Variants in LBP observed in about 807,000 individuals in gnomAD.
LBP encodes the protein lipopolysaccharide binding protein.
In LBP, 53 loss-of-function variants were observed where a neutral mutation model predicts 56.6. That is an observed-to-expected ratio of 0.94 (90% CI 0.75 to 1.18). The LOEUF is 1.18. LBP is among the 50% of genes most tolerant of loss of function. The pLI is 0.00. For synonymous variants in LBP, 227 were observed against 247.5 expected, an observed-to-expected ratio of 0.92 and a Z score of 0.78; for missense variants, 601 against 598.3, an observed-to-expected ratio of 1.00 and a Z score of -0.05.
At chr20:38,366,899 C>T in intron 9 of LBP, 71 bp downstream of exon 9, 1 of 1,338,736 alleles carries the variant, frequency 7.5e-7, no homozygotes, top group Non-Finnish European at 1.1e-6. Flanking sequence ...TCTTTAAAAC[C>T]TCTGCATCTC....
chr20:38,364,328 T>C (rs1205658800), intron 7 of LBP, among the ~76,000 whole-genome samples: 1 of 152,182 alleles, frequency 6.6e-6, no homozygotes, highest in Non-Finnish European at 1.5e-5. Context: ...AAAAGGCCAA[T>C]CAGAGCGGGT....
Position 38,370,887 on chromosome 20 carries a change from AG to A in LBP, c.1217+89del, listed in dbSNP as rs113207369. 1.3e-4 allele frequency: 154 copies of A among 1,143,816 alleles called. 5 individuals carry two copies. Among genetic ancestry groups the A allele is most frequent in the African/African-American group, 1.3e-3 (84 of 65,872 alleles). The allele number at this position is 1,143,816 out of a possible 1,614,324, so 70.9% of individuals were successfully genotyped here. On this transcript the variant is annotated intron_variant, in intron 11 of 14. Transcript: ENST00000217407. The stretch of plus-strand genomic sequence containing the variant: ...TAGCTGCTTCTCTGTAGCTGGTGGG[AG>A]GGGGGGCCACCATTTGGAAAGGACA...
chr20:38,359,990 G>A lies in LBP; in HGVS notation c.589-714G>A, dbSNP rs188894462. Among the ~76,000 whole-genome samples, 7 of 152,286 alleles carry A rather than the reference G, an allele frequency of 4.6e-5. No individual in the cohort carries two copies. The East Asian group carries it at 7.7e-4, about 17-fold the overall frequency. ...CTACAGGCCGAATGTGGTGGCTCAC[G>A]TCTGTAATCCCAGCACTTTGGGAGG... is the stretch of plus-strand genomic sequence containing the variant. On this transcript the variant is annotated intron_variant, in intron 5 of 14. Transcript: ENST00000217407.
chr20:38,366,426 C>G (rs1300295352), intron 8 of LBP, among the ~76,000 whole-genome samples: 3 of 152,100 alleles, frequency 2.0e-5, no homozygotes, highest in African/African-American at 7.2e-5. Context: ...TATTGTTATC[C>G]CCATTTTATG....
At chr20:38,364,496 C>G (rs540797583) in intron 7 of LBP, 80 bp from the exon 8 acceptor site, 1 of 1,339,388 alleles carries the variant, frequency 7.5e-7, no homozygotes, top group Admixed American at 1.7e-5. Context: ...GTCCCTTCAT[C>G]GGACTGTGTA....
chr20:38,351,459 C>T (rs930072582), intron 3 of LBP, among the ~76,000 whole-genome samples: 5 of 152,108 alleles, frequency 3.3e-5, no homozygotes, highest in Non-Finnish European at 7.3e-5. Flanking sequence ...CCAAGGGCTG[C>T]TTCCAGGGGC....
chr20:38,374,145 G>A (rs531348599), intron 14 of LBP, 132 bp downstream of exon 14: 14 of 824,606 alleles, frequency 1.7e-5, no homozygotes, highest in Middle Eastern at 3.6e-4. Flanking sequence ...GGGGCAGGAC[G>A]GGTGCTCCTG....
intron 4 of LBP, among the ~76,000 whole-genome samples, chr20:38,354,968 G>C (rs1490759873): frequency 6.6e-6 from 1 of 152,234 alleles, no homozygotes; most frequent in Admixed American, 6.5e-5. Flanking sequence ...TGTAGTCTCA[G>C]CTACTTCAGG....
At chr20:38,351,308 A>AGGAAG (rs879746261) in intron 3 of LBP, among the ~76,000 whole-genome samples, 15 of 152,270 alleles carry the variant, frequency 9.9e-5, no homozygotes, top group Non-Finnish European at 1.9e-4. Flanking sequence ...TGGGGAAGTG[A>AGGAAG]GGAAGGGAAG....
chr20:38,366,921 A>G, intron 9 of LBP, 93 bp downstream of exon 9: 1 of 1,172,380 alleles, frequency 8.5e-7, no homozygotes, highest in Non-Finnish European at 1.3e-6. Flanking sequence ...CAGCTTGACC[A>G]AGAGTGAGAA....
intron 6 of LBP, among the ~76,000 whole-genome samples, chr20:38,363,643 A>C (rs1459729799): frequency 6.6e-6 from 1 of 151,880 alleles, no homozygotes; most frequent in African/African-American, 2.4e-5. Context: ...GCCATGCCTG[A>C]CCTTCCTGGT....
rs755659532 is a variant in LBP at position 38,366,788 on chromosome 20, T to G, written c.941T>G (p.Ile314Ser). ...CTGCAGATACCGCCTGACTCTAATA[T>G]CCGACTGACCACCAAGTCCTTCCGA... ...TDDMIPPDSNIRLTTKSFRPF... is the reference protein window; with the variant it reads ...TDDMIPPDSNSRLTTKSFRPF... Residue 314 changes from isoleucine (I) to serine (S), a missense_variant, in exon 9 of 15, where the codon ATC becomes AGC. Transcript: ENST00000217407. The G allele has an allele frequency of 1.1e-4, 180 of 1,614,020 alleles. No homozygotes were observed. Among genetic ancestry groups the G allele is most frequent in the Non-Finnish European group, 1.4e-4 (167 of 1,180,044 alleles).
chr20:38,353,831 T>C (rs1426169335), intron 3 of LBP, among the ~76,000 whole-genome samples: 3 of 152,244 alleles, frequency 2.0e-5, no homozygotes, highest in African/African-American at 7.2e-5. Flanking sequence ...TATTTTGTAC[T>C]GCATTTCCTG....
At chr20:38,360,893 C>A (rs1252353232) in intron 6 of LBP, 126 bp downstream of exon 6, 10 of 631,472 alleles carry the variant, frequency 1.6e-5, no homozygotes, top group African/African-American at 3.7e-5. Flanking sequence ...CCAGGCGCAG[C>A]GGCTCACACC....
At chr20:38,373,886 T>C (rs774574000) in intron 13 of LBP, 51 bp from the exon 14 acceptor site, 2 of 1,516,644 alleles carry the variant, frequency 1.3e-6, no homozygotes, top group Non-Finnish European at 1.8e-6. Flanking sequence ...AATCTGTCTC[T>C]AATTATTATT....
intron 3 of LBP, among the ~76,000 whole-genome samples, chr20:38,353,560 G>C (rs928919064): frequency 1.4e-5 from 2 of 147,322 alleles, no homozygotes; most frequent in Non-Finnish European, 3.0e-5. Context: ...GTATATCTTG[G>C]CAGGAAGAGC....
intron 6 of LBP, among the ~76,000 whole-genome samples, chr20:38,363,125 C>T (rs922535438): frequency 6.6e-6 from 1 of 152,032 alleles, no homozygotes; most frequent in Non-Finnish European, 1.5e-5. Context: ...GGCCATTATC[C>T]GTAGTGCTGC....
Position 38,346,636 on chromosome 20 carries a change from G to T in LBP, c.120G>T (p.Gln40His). ...CCAGGATCACCGACAAGGGACTGCA[G>T]TATGGTAAGAAGCCACATCTGCTGG... ...LVARITDKGL[Q>H]YAAQEGLLAL... The change falls in exon 1 of 15, where the codon CAG (glutamine) becomes CAT (histidine). Residue 40 changes from glutamine (Q) to histidine (H), a missense_variant. Physicochemically the swap from Gln to His is conservative, Grantham distance 24 (BLOSUM62 0). Transcript: ENST00000217407. 6.2e-7 allele frequency: 1 copy of T among 1,613,450 alleles called. No individual in the cohort carries two copies. Among genetic ancestry groups the T allele is most frequent in the East Asian group, 2.2e-5 (1 of 44,870 alleles).
At chr20:38,366,969 CT>C (rs2076884576) in intron 9 of LBP, 141 bp downstream of exon 9, 1 of 767,194 alleles carries the variant, frequency 1.3e-6, no homozygotes, top group Middle Eastern at 2.4e-4. Context: ...TGGGGTGCTG[CT>C]CCTTTCAAAG....
Sources: allele counts gnomAD v4.1 joint callset (sites outside exome capture counted in the v4.1 genomes callset), GRCh38; gene constraint gnomAD v4.1.1; transcripts MANE v1.5; gene names NCBI Gene and HGNC (gene_info 2026-07-23, HGNC 2026-07-21).